The following ITK variants were observed in gnomAD, a reference collection of about 807,000 sequenced individuals.
ITK encodes the protein tyrosine-protein kinase ITK/TSK.
Under a neutral mutation model 87.6 loss-of-function variants are expected in ITK, and 45 were observed. That is an observed-to-expected ratio of 0.51 (90% CI 0.40 to 0.66). ITK has a LOEUF of 0.66. Among genes scored for constraint, ITK ranks in the 30% least tolerant of loss-of-function variants. The probability of loss-of-function intolerance (pLI) is 0.00; values close to 1 mark genes in which losing one functional copy is unlikely to be tolerated. For synonymous variants in ITK, 303 were observed against 273.6 expected (o/e 1.11, Z -1.06); for missense variants, 605 against 766.3 (o/e 0.79, Z 2.48).
intron 16 of ITK, 42 bp downstream of exon 16, chr5:157,249,049 T>A: frequency 1.3e-6 from 2 of 1,560,968 alleles, no homozygotes; most frequent in South Asian, 2.2e-5. Context: ...TCGTATACAA[T>A]TTGAGGACCT....
rs985783890 is a variant in ITK, at chr5:157,243,638, A to G, written c.1076A>G (p.Asp359Gly). The change falls in exon 12 of 17, where the codon GAC becomes GGC. Residue 359 changes from aspartate (D) to glycine (G), a missense_variant. Coordinates refer to ENST00000422843, the MANE Select transcript of ITK (RefSeq NM_005546.4). Reference sequence around the variant, plus strand: ...TCTCTTCCAGGGAAATGGGTGATCGACCCCTCAGAGCTCACTTTTGTGCAA... The same window carrying G: ...TCTCTTCCAGGGAAATGGGTGATCGGCCCCTCAGAGCTCACTTTTGTGCAA... Reference protein sequence around the residue: ...AGLRYGKWVIDPSELTFVQEI... With the variant: ...AGLRYGKWVIGPSELTFVQEI... The G allele has an allele frequency of 1.2e-6, 2 of 1,612,134 alleles. No individual in the cohort carries two copies. Among genetic ancestry groups the G allele is most frequent in the Non-Finnish European group, 1.7e-6 (2 of 1,179,886 alleles).
intron 1 of ITK, among the ~76,000 whole-genome samples, chr5:157,198,782 G>T (rs1753901752): frequency 6.6e-6 from 1 of 152,012 alleles, no homozygotes; most frequent in Non-Finnish European, 1.5e-5. Flanking sequence ...ATCTTGTTTT[G>T]TTTGAGACAG....
At chr5:157,193,769 T>A (rs898114689) in intron 1 of ITK, among the ~76,000 whole-genome samples, 1 of 152,092 alleles carries the variant, frequency 6.6e-6, no homozygotes, top group Non-Finnish European at 1.5e-5. Context: ...TGTTGGTGAG[T>A]TTCTAACATA....
At chr5:157,237,048 C>G (rs1335995460) in intron 8 of ITK, among the ~76,000 whole-genome samples, 1 of 152,180 alleles carries the variant, frequency 6.6e-6, no homozygotes, top group Non-Finnish European at 1.5e-5. Context: ...TTCAACCCAG[C>G]AATCCTATTA....
At chr5:157,222,763 C>T (rs2113760887) in intron 5 of ITK, 100 bp from the exon 6 acceptor site, 2 of 1,162,620 alleles carry the variant, frequency 1.7e-6, no homozygotes, top group Admixed American at 1.8e-5. Flanking sequence ...AGAAAGTCTA[C>T]CAGAGGAAGG....
intron 1 of ITK, among the ~76,000 whole-genome samples, chr5:157,183,761 T>C (rs1487950709): frequency 1.3e-5 from 2 of 152,182 alleles, no homozygotes; most frequent in Non-Finnish European, 2.9e-5. Flanking sequence ...GTGTCGGGTG[T>C]CAGAGCTTCT....
intron 15 of ITK, among the ~76,000 whole-genome samples, chr5:157,247,290 G>A (rs1755039125): frequency 6.6e-6 from 1 of 152,298 alleles, no homozygotes. Context: ...AACCCTTGCA[G>A]CTACTTTGTT....
At chr5:157,226,776 T>C (rs933197991) in intron 6 of ITK, among the ~76,000 whole-genome samples, 4 of 151,900 alleles carry the variant, frequency 2.6e-5, no homozygotes, top group African/African-American at 4.8e-5. Flanking sequence ...CAATAAACTA[T>C]CAGGCATCTT....
At chr5:157,186,785 T>G (rs1753653068) in intron 1 of ITK, among the ~76,000 whole-genome samples, 1 of 152,192 alleles carries the variant, frequency 6.6e-6, no homozygotes, top group South Asian at 2.1e-4. Flanking sequence ...CACCTGGGAC[T>G]GTCAGCATAT....
intron 5 of ITK, among the ~76,000 whole-genome samples, chr5:157,218,567 A>G (rs549083922): frequency 1.3e-4 from 20 of 151,820 alleles, no homozygotes; most frequent in Admixed American, 1.1e-3. Context: ...TTTTGGAGAC[A>G]TACATTTGTT....
rs1424654441 is a variant in ITK, at chr5:157,243,624, G to A, written c.1062G>A (p.Gly354=). Residue 354 remains glycine (G), a splice_region_variant and synonymous_variant, in exon 12 of 17, where the codon GGG becomes GGA. Transcript: ENST00000422843. ...KAPVTAGLRY[G]KWVIDPSELT... Reference sequence around the variant, plus strand: ...GAGAACTCTCTCTCTCTCTTCCAGGGAAATGGGTGATCGACCCCTCAGAGC... The same window carrying A: ...GAGAACTCTCTCTCTCTCTTCCAGGAAAATGGGTGATCGACCCCTCAGAGC... 4.3e-6 allele frequency: 7 copies of A among 1,612,230 alleles called. No homozygotes were observed. Among genetic ancestry groups the A allele is most frequent in the African/African-American group, 1.3e-5 (1 of 74,884 alleles).
intron 1 of ITK, among the ~76,000 whole-genome samples, chr5:157,196,977 C>T (rs1753865423): frequency 6.6e-6 from 1 of 152,138 alleles, no homozygotes; most frequent in Non-Finnish European, 1.5e-5. Flanking sequence ...TCACTTAGTT[C>T]TTGCTCCTAA....
intron 5 of ITK, among the ~76,000 whole-genome samples, chr5:157,218,243 G>A (rs1393866938): frequency 2.0e-5 from 3 of 152,108 alleles, no homozygotes; most frequent in African/African-American, 7.2e-5. Context: ...GGTGGCTCAC[G>A]TCTGTAATCC....
chr5:157,185,073 A>T (rs182208460), intron 1 of ITK, among the ~76,000 whole-genome samples: 105 of 152,232 alleles, frequency 6.9e-4, no homozygotes, highest in African/African-American at 2.5e-3. Flanking sequence ...TAAATTAAAG[A>T]TGGTAGGTGG....
At chr5:157,192,505 C>A (rs896995096) in intron 1 of ITK, among the ~76,000 whole-genome samples, 1 of 152,208 alleles carries the variant, frequency 6.6e-6, no homozygotes, top group Non-Finnish European at 1.5e-5. Flanking sequence ...AACAGGGCAG[C>A]CTAATAGAAA....
Position 157,201,078 on chromosome 5 carries a change from C to CAAT in ITK, c.139-7809_139-7807dup, listed in dbSNP as rs757590813. ...TCCTAAAGTCAATTAAGATAATATA[C>CAAT]AATATTACTTGAATAAATGTCAAAA... On this transcript the variant is annotated intron_variant, in intron 1 of 16. Transcript: ENST00000422843. Among the ~76,000 whole-genome samples, 1,128 of 151,686 alleles carry CAAT rather than the reference C, an allele frequency of 7.4e-3. 80 individuals are homozygous for CAAT. In the East Asian group the frequency reaches 0.17, roughly 22 times the overall value.
At chr5:157,236,294 G>C (rs952805725) in intron 8 of ITK, among the ~76,000 whole-genome samples, 1 of 151,810 alleles carries the variant, frequency 6.6e-6, no homozygotes, top group Admixed American at 6.6e-5. Context: ...ACAGTCACTT[G>C]AACCCAGGAA....
intron 1 of ITK, among the ~76,000 whole-genome samples, chr5:157,191,751 G>T (rs960565326): frequency 6.6e-6 from 1 of 151,878 alleles, no homozygotes; most frequent in East Asian, 1.9e-4. Context: ...TTTTATATAC[G>T]TGGAGGAATA....
At chr5:157,223,252 C>T (rs1326804649) in intron 6 of ITK, among the ~76,000 whole-genome samples, 2 of 152,160 alleles carry the variant, frequency 1.3e-5, no homozygotes, top group African/African-American at 4.8e-5. Context: ...ATCTCAGGCA[C>T]TCCAGACCCA....
Sources: gnomAD v4.1 joint callset for allele counts (sites outside exome capture counted in the v4.1 genomes callset) on GRCh38, gnomAD v4.1.1 for gene constraint, MANE v1.5 for transcripts, NCBI Gene and HGNC (gene_info 2026-07-23, HGNC 2026-07-21) for gene names.